The following CCNB2 variants were observed in gnomAD, a reference collection of about 807,000 sequenced individuals.
CCNB2 encodes G2/mitotic-specific cyclin-B2.
CCNB2 carries 39 observed loss-of-function variants against 51.1 expected under a neutral mutation model. The observed-to-expected ratio is 0.76, with a 90% CI of 0.59 to 1.00. The LOEUF is 1.00. Among genes scored for constraint, CCNB2 ranks in the 50% least tolerant of loss-of-function variants. CCNB2 has a pLI of 0.00. For missense variants in CCNB2, 472 were observed against 470.3 expected (o/e 1.00, Z -0.03); for synonymous variants, 174 against 165.5 (o/e 1.05, Z -0.40).
chr15:59,119,433 C>T lies in CCNB2; in HGVS notation c.975+2065C>T, dbSNP rs28383549. Among the ~76,000 whole-genome samples the T allele has an allele frequency of 4.3e-5, 6 of 138,356 alleles. No homozygotes were observed. In the East Asian group the frequency reaches 1.3e-3, roughly 31 times the overall value. The allele number at this position is 138,356 out of a possible 152,430, so 90.8% of individuals were successfully genotyped here. On this transcript the variant is annotated intron_variant, in intron 7 of 8. Coordinates refer to ENST00000288207, the MANE Select transcript of CCNB2 (RefSeq NM_004701.4). The stretch of plus-strand genomic sequence containing the variant: ...TATGATCCTGCCAGTGCACTCCAAC[C>T]TGGGCAACAGAGCAAAACCCTGTCT...
At chr15:59,119,906 C>G (rs1309190717) in intron 7 of CCNB2, among the ~76,000 whole-genome samples, 1 of 152,106 alleles carries the variant, frequency 6.6e-6, no homozygotes, top group Non-Finnish European at 1.5e-5. Flanking sequence ...TTAGCTCTCC[C>G]TGTGTTGCCC....
chr15:59,121,276 A>T (rs1349641967), intron 7 of CCNB2: 2 of 152,096 alleles, frequency 1.3e-5, no homozygotes, highest in African/African-American at 4.8e-5. Context: ...TATATAGAGG[A>T]TCATTCTTTC....
At chr15:59,124,095 G>C (rs28383558) in intron 8 of CCNB2, 4,301 of 166,290 alleles carry the variant, frequency 0.026, 92 homozygotes, top group Middle Eastern at 0.078. Context: ...TAATTAGCAA[G>C]CATGGTTAAG....
intron 7 of CCNB2, among the ~76,000 whole-genome samples, chr15:59,117,626 G>A (rs1275635177): frequency 2.0e-5 from 3 of 152,096 alleles, no homozygotes; most frequent in African/African-American, 7.2e-5. Flanking sequence ...GCATGACCAT[G>A]CCTCGCTAAT....
Position 59,107,466 on chromosome 15 carries a change from A to G in CCNB2, c.153+16A>G. On this transcript the variant is annotated intron_variant, in intron 2 of 8. Coordinates refer to ENST00000288207, the MANE Select transcript of CCNB2 (RefSeq NM_004701.4). ...AGTAGCTAAGGTAACAATGATGAAG[A>G]CTGAATGTGAATACAGAGGCCGATT... 1 of 1,613,924 alleles carries G rather than the reference A, an allele frequency of 6.2e-7. No homozygotes were observed. Among genetic ancestry groups the G allele is most frequent in the Non-Finnish European group, 8.5e-7 (1 of 1,179,934 alleles).
chr15:59,123,555 T>C lies in CCNB2; in HGVS notation c.1014T>C (p.Asn338=), dbSNP rs369613723. ...AGTATTACACAGGATACACAGAGAA[T>C]GAAGTATTGGAAGTCATGCAGCACA... ...KQQYYTGYTE[N]EVLEVMQHMA... Residue 338 remains asparagine, a synonymous_variant, in exon 8 of 9, where the codon AAT becomes AAC. Transcript: ENST00000288207. 1 of 1,613,170 alleles carries C rather than the reference T, an allele frequency of 6.2e-7. No homozygotes were observed. Among genetic ancestry groups the C allele is most frequent in the Non-Finnish European group, 8.5e-7 (1 of 1,179,350 alleles).
At chr15:59,112,893 G>A (rs1566956175) in intron 3 of CCNB2, among the ~76,000 whole-genome samples, 1 of 151,798 alleles carries the variant, frequency 6.6e-6, no homozygotes, top group Admixed American at 6.6e-5. Flanking sequence ...AATTAGGCGA[G>A]TGTGGTGGAA....
chr15:59,124,733 C>T, intron 8 of CCNB2, 34 bp from the exon 9 acceptor site: 1 of 1,450,672 alleles, frequency 6.9e-7, no homozygotes, highest in Non-Finnish European at 9.7e-7. Context: ...TTGGGGGTTC[C>T]TGACATGTGC....
At chr15:59,107,241 A>T in intron 1 of CCNB2, 81 bp from the exon 2 acceptor site, 1 of 1,301,564 alleles carries the variant, frequency 7.7e-7, no homozygotes, top group Non-Finnish European at 1.1e-6. Context: ...TTCCCAAAGC[A>T]ATTCTAAATT....
At chr15:59,114,664 C>T (rs975888979) in intron 4 of CCNB2, 50 bp downstream of exon 4, 1 of 1,587,676 alleles carries the variant, frequency 6.3e-7, no homozygotes, top group South Asian at 1.1e-5. Flanking sequence ...GAATTTACCA[C>T]ACAGCTGGGA....
chr15:59,107,184 G>C, intron 1 of CCNB2, 138 bp from the exon 2 acceptor site: 1 of 755,374 alleles, frequency 1.3e-6, no homozygotes, highest in Non-Finnish European at 2.1e-6. Context: ...TAGACTTCCT[G>C]AAATGTACCT....
chr15:59,116,797 C>T lies in CCNB2; in HGVS notation c.705C>T (p.Tyr235=), dbSNP rs371204713. 1.2e-6 allele frequency: 2 copies of T among 1,613,980 alleles called. No homozygotes were observed. Among genetic ancestry groups the T allele is most frequent in the African/African-American group, 1.3e-5 (1 of 75,066 alleles). ...CTCCAAATATTGAAGACTTTGTTTACATCACAGACAATGCTTATACCAGTT... is the reference window on the plus strand; with the variant it reads ...CTCCAAATATTGAAGACTTTGTTTATATCACAGACAATGCTTATACCAGTT... ...MFSPNIEDFV[Y]ITDNAYTSSQ... is the part of the protein sequence containing the mutation. Residue 235 remains tyrosine, a synonymous_variant, in exon 6 of 9, where the codon TAC becomes TAT. Transcript: ENST00000288207.
chr15:59,123,732 T>C (rs2079313622), intron 8 of CCNB2, 105 bp downstream of exon 8: 3 of 646,802 alleles, frequency 4.6e-6, no homozygotes, highest in Non-Finnish European at 8.3e-6. Flanking sequence ...AATATATTAA[T>C]AACATGTGGG....
intron 1 of CCNB2, among the ~76,000 whole-genome samples, chr15:59,105,602 C>G (rs2079232568): frequency 6.6e-6 from 1 of 152,188 alleles, no homozygotes; most frequent in Non-Finnish European, 1.5e-5. Context: ...CGAGCGATCC[C>G]CGAGTGCTCT....
Position 59,124,826 on chromosome 15 carries a change from G to A in CCNB2, c.1146G>A (p.Leu382=), listed in dbSNP as rs1477636323. The change falls in exon 9 of 9, where the codon CTG becomes CTA. Residue 382 remains leucine (L), a synonymous_variant. Transcript: ENST00000288207. ...KLLKISMIPQ[L]NSKAVKDLAS... ...TGAAGATCAGCATGATCCCTCAGCT[G>A]AACTCAAAAGCCGTCAAAGACCTTG... 3 of 1,610,886 alleles carry A rather than the reference G, an allele frequency of 1.9e-6. No homozygotes were observed. The South Asian group carries it at 3.3e-5, about 18-fold the overall frequency.
chr15:59,124,699 A>G, intron 8 of CCNB2, 68 bp from the exon 9 acceptor site: 1 of 1,048,852 alleles, frequency 9.5e-7, no homozygotes, highest in South Asian at 1.3e-5. Flanking sequence ...GATAATTGTG[A>G]GTTAGACTAG....
chr15:59,111,334 C>A (rs1469571442), intron 3 of CCNB2, among the ~76,000 whole-genome samples: 5 of 152,178 alleles, frequency 3.3e-5, no homozygotes, highest in African/African-American at 1.2e-4. Context: ...ACGCCAAGCC[C>A]TTGGTGGCTT....
At chr15:59,119,039 T>C (rs546915812) in intron 7 of CCNB2, among the ~76,000 whole-genome samples, 3 of 152,302 alleles carry the variant, frequency 2.0e-5, no homozygotes, top group Non-Finnish European at 2.9e-5. Flanking sequence ...GTGGAAACTA[T>C]GGGGTTCTTT....
chr15:59,122,158 A>G (rs1239391416), intron 7 of CCNB2, among the ~76,000 whole-genome samples: 1 of 151,570 alleles, frequency 6.6e-6, no homozygotes, highest in Non-Finnish European at 1.5e-5. Flanking sequence ...TATTTTGCCA[A>G]TTATACCATG....
Sources: allele counts gnomAD v4.1 joint callset (sites outside exome capture counted in the v4.1 genomes callset), GRCh38; gene constraint gnomAD v4.1.1; transcripts MANE v1.5; gene names NCBI Gene and HGNC (gene_info 2026-07-23, HGNC 2026-07-21).